Variants in RBFOX2 observed in about 807,000 individuals in gnomAD.
RBFOX2 encodes RNA binding protein fox-1 homolog 2.
A neutral mutation model predicts 49.1 loss-of-function variants in RBFOX2; 10 were observed. The observed-to-expected ratio is 0.20, with a 90% CI of 0.13 to 0.35. The LOEUF is 0.35. Among genes scored for constraint, RBFOX2 ranks in the 10% least tolerant of loss-of-function variants. The probability of loss-of-function intolerance (pLI) is 1.00; values close to 1 mark genes in which losing one functional copy is unlikely to be tolerated. For synonymous variants in RBFOX2, 183 were observed against 187.4 expected, an observed-to-expected ratio of 0.98 and a Z score of 0.19; for missense variants, 323 against 486.9, an observed-to-expected ratio of 0.66 and a Z score of 3.17.
intron 1 of RBFOX2, among the ~76,000 whole-genome samples, chr22:36,007,064 C>T (rs2058646385): frequency 6.6e-6 from 1 of 152,194 alleles, no homozygotes. Flanking sequence ...TAGTGATTCT[C>T]ACTCATTTTG....
intron 1 of RBFOX2, among the ~76,000 whole-genome samples, chr22:35,923,718 C>A (rs999469437): frequency 1.6e-4 from 24 of 152,138 alleles, no homozygotes; most frequent in African/African-American, 5.1e-4. Context: ...CCTTCCCCCC[C>A]ACCCAAATAA....
chr22:35,942,501 A>G (rs2053800040), upstream of RBFOX2, among the ~76,000 whole-genome samples: 1 of 152,170 alleles, frequency 6.6e-6, no homozygotes, highest in African/African-American at 2.4e-5. Flanking sequence ...TCCATTAATA[A>G]TAAGGTAATA....
intron 2 of RBFOX2, among the ~76,000 whole-genome samples, chr22:35,795,304 C>A (rs541035380): frequency 6.6e-6 from 1 of 152,076 alleles, no homozygotes; most frequent in African/African-American, 2.4e-5. Flanking sequence ...TAAATTCCTC[C>A]GTAGTCCAAG....
At chr22:35,920,038 A>G (rs1427265445) in intron 1 of RBFOX2, among the ~76,000 whole-genome samples, 1 of 152,232 alleles carries the variant, frequency 6.6e-6, no homozygotes, top group Non-Finnish European at 1.5e-5. Flanking sequence ...AATAGTGGCT[A>G]AACACCTGCC....
intron 1 of RBFOX2, among the ~76,000 whole-genome samples, chr22:35,896,728 G>A (rs545425458): frequency 5.3e-4 from 80 of 152,172 alleles, no homozygotes; most frequent in South Asian, 5.2e-3. Context: ...GGAGAGGTGG[G>A]GCAGGTATTC....
chr22:35,888,909 C>T (rs1291111215), intron 1 of RBFOX2, among the ~76,000 whole-genome samples: 1 of 152,182 alleles, frequency 6.6e-6, no homozygotes, highest in African/African-American at 2.4e-5. Flanking sequence ...AATCCCAGCA[C>T]TCTGGGAGGC....
At chr22:36,016,376 C>G (rs6000063) in intron 1 of RBFOX2, among the ~76,000 whole-genome samples, 21 of 152,230 alleles carry the variant, frequency 1.4e-4, no homozygotes, top group African/African-American at 5.1e-4. Flanking sequence ...ATCCCCAGAG[C>G]TAGGAGAGTC....
At chr22:35,811,179 A>C (rs1481913592) in intron 1 of RBFOX2, among the ~76,000 whole-genome samples, 1 of 152,168 alleles carries the variant, frequency 6.6e-6, no homozygotes, top group African/African-American at 2.4e-5. Flanking sequence ...GGGGGCTGCC[A>C]CAGTCTAGAT....
upstream of RBFOX2, among the ~76,000 whole-genome samples, chr22:35,940,244 A>C (rs2053555429): frequency 6.6e-6 from 1 of 152,192 alleles, no homozygotes; most frequent in South Asian, 2.1e-4. Context: ...TAGACACCCA[A>C]AAGAATGTGT....
At chr22:35,929,250 T>C (rs974699838) in intron 1 of RBFOX2, among the ~76,000 whole-genome samples, 1 of 152,096 alleles carries the variant, frequency 6.6e-6, no homozygotes, top group Admixed American at 6.5e-5. Flanking sequence ...CCCAAAGTGC[T>C]GGGATTACAG....
intron 1 of RBFOX2, among the ~76,000 whole-genome samples, chr22:35,951,160 T>C (rs1022390607): frequency 2.0e-5 from 3 of 151,594 alleles, no homozygotes; most frequent in Non-Finnish European, 4.4e-5. Flanking sequence ...TTCACCGTGT[T>C]AGCCAGGATG....
chr22:35,987,100 T>G (rs1477596898), intron 1 of RBFOX2, among the ~76,000 whole-genome samples: 2 of 152,186 alleles, frequency 1.3e-5, no homozygotes, highest in Non-Finnish European at 2.9e-5. Flanking sequence ...GAATAAAATA[T>G]TTGTAATCAT....
intron 2 of RBFOX2, among the ~76,000 whole-genome samples, chr22:35,799,943 G>A (rs894086994): frequency 6.6e-6 from 1 of 151,932 alleles, no homozygotes. Context: ...GACAGAGTGA[G>A]ACCCTACCTC....
At position 35,864,597 on chromosome 22, in the gene RBFOX2, G is replaced by A. The variant is rs538362478; in HGVS notation, c.-33-54593C>T. Among the ~76,000 whole-genome samples the A allele has an allele frequency of 2.0e-5, 3 of 152,188 alleles. No individual in the cohort carries two copies. In the East Asian group the frequency reaches 5.8e-4, roughly 29 times the overall value. On this transcript the variant is annotated intron_variant, in intron 1 of 13. Coordinates refer to the RBFOX2 transcript ENST00000359369. ...TAAGAAAAATAATAACTTATACTTA[G>A]GATCTATTACTTTGATTGCTTGGAG... is the stretch of plus-strand genomic sequence containing the variant.
intron 1 of RBFOX2, among the ~76,000 whole-genome samples, chr22:35,831,243 A>T (rs1956740059): frequency 6.6e-6 from 1 of 152,164 alleles, no homozygotes; most frequent in Admixed American, 6.5e-5. Flanking sequence ...GGAGATCGAG[A>T]CCATCCTGGC....
intron 1 of RBFOX2, among the ~76,000 whole-genome samples, chr22:35,933,536 T>C (rs1291796663): frequency 6.6e-6 from 1 of 152,112 alleles, no homozygotes; most frequent in Admixed American, 6.5e-5. Flanking sequence ...TTATCTCTAG[T>C]TTGTGTGTAT....
At chr22:35,957,213 C>T (rs1361713428) in intron 1 of RBFOX2, among the ~76,000 whole-genome samples, 1 of 152,224 alleles carries the variant, frequency 6.6e-6, no homozygotes, top group African/African-American at 2.4e-5. Flanking sequence ...CTACCTACCT[C>T]ATAGGATTGT....
chr22:36,006,671 T>C (rs994210901), intron 1 of RBFOX2, among the ~76,000 whole-genome samples: 1 of 152,202 alleles, frequency 6.6e-6, no homozygotes, highest in Non-Finnish European at 1.5e-5. Flanking sequence ...CTTGCTCGCA[T>C]GCCCTCCACC....
chr22:36,024,484 G>A (rs1487728897), intron 1 of RBFOX2, among the ~76,000 whole-genome samples: 5 of 152,148 alleles, frequency 3.3e-5, no homozygotes, highest in Non-Finnish European at 7.4e-5. Context: ...GCTCATGCCT[G>A]TAATCTCAGC....
Sources: allele counts gnomAD v4.1 joint callset (sites outside exome capture counted in the v4.1 genomes callset), GRCh38; gene constraint gnomAD v4.1.1; transcripts MANE v1.5; gene names NCBI Gene and HGNC (gene_info 2026-07-23, HGNC 2026-07-21).